The following CEP63 variants were observed in gnomAD, a reference collection of about 807,000 sequenced individuals.
CEP63 encodes centrosomal protein of 63 kDa.
CEP63 carries 84 observed loss-of-function variants against 89.1 expected under a neutral mutation model. That is an observed-to-expected ratio of 0.94 (90% CI 0.79 to 1.13). CEP63 has a LOEUF of 1.13. Ranked by LOEUF, CEP63 falls within the 50% of genes most tolerant of loss-of-function variation. CEP63 has a pLI of 0.00. For missense variants in CEP63, 838 were observed against 813.3 expected (o/e 1.03, Z -0.37); for synonymous variants, 267 against 272.5 (o/e 0.98, Z 0.20).
chr3:134,635,331 T>C, the CEP63 span, among the ~76,000 whole-genome samples: 1 of 151,766 alleles, frequency 6.6e-6, no homozygotes, highest in Non-Finnish European at 1.5e-5. Context: ...ACCCCATCTC[T>C]ACTAAAAATA....
chr3:134,504,704 A>G (rs1350535233), intron 2 of CEP63, among the ~76,000 whole-genome samples: 1 of 82,436 alleles, frequency 1.2e-5, no homozygotes, highest in Admixed American at 1.5e-4. Flanking sequence ...TTCTGTACCT[A>G]TGCCATCTTT....
chr3:134,710,289 T>C, the CEP63 span, among the ~76,000 whole-genome samples: 1 of 152,172 alleles, frequency 6.6e-6, no homozygotes, highest in Non-Finnish European at 1.5e-5. Context: ...AAAGGCTGGC[T>C]GGCCTCTCCC....
At chr3:134,575,011 T>C (rs1016445465) in exon 12 of CEP63, 1 of 404,358 alleles carries the variant, frequency 2.5e-6, no homozygotes, top group African/African-American at 2.1e-5. Context: ...TAAAGAAAAT[T>C]AACACTATTT....
At chr3:134,775,812 T>C in the CEP63 span, among the ~76,000 whole-genome samples, 1 of 152,190 alleles carries the variant, frequency 6.6e-6, no homozygotes, top group Admixed American at 6.5e-5. Context: ...GTGACGCTTC[T>C]CTCTCCATCA....
At chr3:134,486,515 C>T (rs1576631732) in intron 1 of CEP63, 1 of 985,836 alleles carries the variant, frequency 1.0e-6, no homozygotes, top group Non-Finnish European at 1.2e-6. Flanking sequence ...TCAGCCCTTC[C>T]TCGGAGTCCA....
At chr3:134,757,249 T>C in the CEP63 span, among the ~76,000 whole-genome samples, 1 of 152,162 alleles carries the variant, frequency 6.6e-6, no homozygotes, top group African/African-American at 2.4e-5. Flanking sequence ...TGGCTGAGCA[T>C]ATCACTTCCC....
chr3:134,651,602 G>A, the CEP63 span: 19 of 988,432 alleles, frequency 1.9e-5, no homozygotes, highest in Non-Finnish European at 2.3e-5. Flanking sequence ...GTTGGGTGGG[G>A]TGTTGGAGTC....
the CEP63 span, among the ~76,000 whole-genome samples, chr3:134,632,183 C>A: frequency 6.6e-6 from 1 of 152,024 alleles, no homozygotes; most frequent in Non-Finnish European, 1.5e-5. Context: ...GATTTTAACA[C>A]TAATCTTTCA....
intron 11 of CEP63, among the ~76,000 whole-genome samples, chr3:134,570,130 A>G (rs1183513844): frequency 1.3e-5 from 2 of 152,190 alleles, no homozygotes; most frequent in African/African-American, 4.8e-5. Flanking sequence ...CAGGCCTGTG[A>G]TGGGAGAGGC....
chr3:134,763,991 G>T, the CEP63 span, among the ~76,000 whole-genome samples: 1 of 152,172 alleles, frequency 6.6e-6, no homozygotes, highest in Non-Finnish European at 1.5e-5. Context: ...ATAGTCCAAG[G>T]CTAGCTTTGT....
chr3:134,682,197 AT>A, the CEP63 span, among the ~76,000 whole-genome samples: 1 of 152,166 alleles, frequency 6.6e-6, no homozygotes, highest in Non-Finnish European at 1.5e-5. Context: ...AATTGGTTTC[AT>A]TTAGGAGCGG....
At chr3:134,624,850 G>A in the CEP63 span, among the ~76,000 whole-genome samples, 3 of 152,184 alleles carry the variant, frequency 2.0e-5, no homozygotes, top group Non-Finnish European at 4.4e-5. Flanking sequence ...GGTGGGCTGG[G>A]GGATGGAATG....
chr3:134,763,533 TTA>T, the CEP63 span, among the ~76,000 whole-genome samples: 1 of 152,166 alleles, frequency 6.6e-6, no homozygotes, highest in African/African-American at 2.4e-5. Flanking sequence ...CTTATCTTGT[TTA>T]ATTCCCCAGG....
chr3:134,709,531 C>T, the CEP63 span, among the ~76,000 whole-genome samples: 499 of 152,202 alleles, frequency 3.3e-3, 2 homozygotes, highest in Middle Eastern at 0.01. Flanking sequence ...TATCAGGGAG[C>T]GACATCTATT....
At chr3:134,752,318 G>C in the CEP63 span, among the ~76,000 whole-genome samples, 1 of 152,146 alleles carries the variant, frequency 6.6e-6, no homozygotes, top group Non-Finnish European at 1.5e-5. Context: ...GGCCTTACCA[G>C]GTGTGGCCAT....
At chr3:134,609,712 C>T in the CEP63 span, among the ~76,000 whole-genome samples, 1 of 152,174 alleles carries the variant, frequency 6.6e-6, no homozygotes, top group Non-Finnish European at 1.5e-5. Flanking sequence ...CAATAGCACC[C>T]CTTCCCCAAA....
chr3:134,775,316 G>A, the CEP63 span, among the ~76,000 whole-genome samples: 23 of 152,260 alleles, frequency 1.5e-4, no homozygotes, highest in African/African-American at 3.9e-4. Flanking sequence ...CTGGAGCCTC[G>A]CTTCAGCCCA....
At chr3:134,776,134 G>A in the CEP63 span, among the ~76,000 whole-genome samples, 13 of 152,134 alleles carry the variant, frequency 8.5e-5, no homozygotes, top group South Asian at 2.1e-4. Context: ...ACCATGCACC[G>A]CAACCCATCT....
In CEP63 at chr3:134,561,676, A is replaced by C. The variant is rs757262806; in HGVS notation, c.*141A>C. 166 of 1,471,060 alleles carry C rather than the reference A, an allele frequency of 1.1e-4. 1 individual carries two copies. Among genetic ancestry groups the C allele is most frequent in the Admixed American group, 4.1e-4 (16 of 39,108 alleles). 91.1% of individuals were successfully genotyped at this position (1,471,060 alleles called of 1,614,324 possible). ...AAAGCAGTGGTGAAGAAAGCTGAAAAACTGATACTTTTGATAGGCATTTTC... is the reference window on the plus strand; with the variant it reads ...AAAGCAGTGGTGAAGAAAGCTGAAACACTGATACTTTTGATAGGCATTTTC... On this transcript the variant is annotated 3_prime_UTR_variant, in exon 15 of 15. Coordinates refer to ENST00000675561, the MANE Select transcript of CEP63 (RefSeq NM_001353108.3).
Sources: allele counts gnomAD v4.1 joint callset (sites outside exome capture counted in the v4.1 genomes callset), GRCh38; gene constraint gnomAD v4.1.1; transcripts MANE v1.5; gene names NCBI Gene and HGNC (gene_info 2026-07-23, HGNC 2026-07-21).